The following PPIL4 variants were observed in gnomAD, a reference collection of about 807,000 sequenced individuals.
PPIL4 encodes the protein peptidyl-prolyl cis-trans isomerase-like 4.
In PPIL4, 50 loss-of-function variants were observed where a neutral mutation model predicts 69.1. That is an observed-to-expected ratio of 0.72 (90% CI 0.58 to 0.92). The LOEUF (loss-of-function observed/expected upper bound fraction) is 0.92. PPIL4 is among the 40% of genes least tolerant of loss of function. The probability of loss-of-function intolerance (pLI) is 0.00; values close to 1 mark genes in which losing one functional copy is unlikely to be tolerated. For synonymous variants in PPIL4, 193 were observed against 191.6 expected (o/e 1.01, Z -0.06); for missense variants, 480 against 587.9 (o/e 0.82, Z 1.90).
At chr6:149,506,090 A>G (rs1776766527) in intron 12 of PPIL4, among the ~76,000 whole-genome samples, 1 of 152,220 alleles carries the variant, frequency 6.6e-6, no homozygotes, top group African/African-American at 2.4e-5. Context: ...TTGATCTGCA[A>G]TGAAACTACT....
At chr6:149,508,969 G>T (rs969052091) in intron 12 of PPIL4, among the ~76,000 whole-genome samples, 15 of 151,922 alleles carry the variant, frequency 9.9e-5, no homozygotes, top group Non-Finnish European at 2.1e-4. Context: ...TCTCTTTAAT[G>T]AATTTTAAAA....
At chr6:149,521,483 G>A (rs1358773332) in intron 9 of PPIL4, among the ~76,000 whole-genome samples, 7 of 152,174 alleles carry the variant, frequency 4.6e-5, no homozygotes, top group African/African-American at 1.7e-4. Context: ...CTTACTGACT[G>A]TATTATACAG....
At chr6:149,526,847 A>G (rs1777115254) in intron 7 of PPIL4, 71 bp from the exon 8 acceptor site, 1 of 1,414,980 alleles carries the variant, frequency 7.1e-7, no homozygotes, top group East Asian at 2.3e-5. Context: ...ATCCAATCCC[A>G]CAATGCTGAT....
At chr6:149,509,059 A>G (rs1776804861) in intron 12 of PPIL4, among the ~76,000 whole-genome samples, 2 of 152,182 alleles carry the variant, frequency 1.3e-5, no homozygotes, top group South Asian at 4.1e-4. Flanking sequence ...GGAAGAAGAG[A>G]AAATTAATGT....
intron 12 of PPIL4, among the ~76,000 whole-genome samples, chr6:149,506,460 G>A (rs1317896464): frequency 2.6e-5 from 4 of 152,158 alleles, no homozygotes; most frequent in African/African-American, 4.8e-5. Flanking sequence ...CAACAAGAGC[G>A]AAACTCCATC....
chr6:149,544,035 T>C (rs1777404576), intron 1 of PPIL4, among the ~76,000 whole-genome samples: 1 of 152,214 alleles, frequency 6.6e-6, no homozygotes, highest in South Asian at 2.1e-4. Flanking sequence ...CTTACAAATA[T>C]GTACAGGGGG....
rs1484523032 is a variant in PPIL4 at position 149,517,468 on chromosome 6, A to G, written c.983-18T>C. On this transcript the variant is annotated intron_variant, in intron 10 of 12. Coordinates refer to ENST00000253329, the MANE Select transcript of PPIL4 (RefSeq NM_139126.4). ...TTTCCCACCTATTTATTAAGAAAAG[A>G]AAAAAAGAGCTTAGTAAAAAAACCA... The G allele has an allele frequency of 1.5e-6, 2 of 1,335,124 alleles. No individual in the cohort carries two copies. The highest frequency in any genetic ancestry group is 2.1e-6 in the Non-Finnish European group (2 of 968,518). The allele number at this position is 1,335,124 out of a possible 1,614,324, so 82.7% of individuals were successfully genotyped here.
chr6:149,542,290 T>A (rs1354025287), intron 1 of PPIL4, among the ~76,000 whole-genome samples: 2 of 152,192 alleles, frequency 1.3e-5, no homozygotes, highest in African/African-American at 4.8e-5. Flanking sequence ...GGGTCATTTT[T>A]TAAATAATAG....
chr6:149,505,792 C>A, intron 12 of PPIL4, 88 bp from the exon 13 acceptor site: 1 of 1,216,168 alleles, frequency 8.2e-7, no homozygotes, highest in Non-Finnish European at 1.2e-6. Flanking sequence ...AAAAGTCTAC[C>A]ATTAGAAGGC....
At chr6:149,521,236 T>G (rs543542568) in intron 9 of PPIL4, 65 bp from the exon 10 acceptor site, 14 of 943,074 alleles carry the variant, frequency 1.5e-5, no homozygotes, top group Admixed American at 1.3e-4. Context: ...GCTAGAATAC[T>G]GAAAATACAA....
At chr6:149,514,957 C>A (rs1025765859) in intron 11 of PPIL4, among the ~76,000 whole-genome samples, 1 of 151,958 alleles carries the variant, frequency 6.6e-6, no homozygotes, top group African/African-American at 2.4e-5. Context: ...CTGCCTCAGC[C>A]TCCCGAGTAG....
chr6:149,546,022 C>G lies in PPIL4; in HGVS notation c.-17G>C, dbSNP rs1277135443. 5.8e-6 allele frequency: 9 copies of G among 1,563,854 alleles called. No individual in the cohort carries two copies. The highest frequency in any genetic ancestry group is 1.4e-5 in the African/African-American group (1 of 73,488). ...AACCGCCATGGCGCCCGCTCCTCCTCCGCTACAAACCCCGGGAGGAGGGGG... is the reference window on the plus strand; with the variant it reads ...AACCGCCATGGCGCCCGCTCCTCCTGCGCTACAAACCCCGGGAGGAGGGGG... On this transcript the variant is annotated 5_prime_UTR_variant, in exon 1 of 13. Coordinates refer to ENST00000253329, the MANE Select transcript of PPIL4 (RefSeq NM_139126.4).
intron 10 of PPIL4, 54 bp downstream of exon 10, chr6:149,521,006 C>A: frequency 1.1e-6 from 1 of 947,252 alleles, no homozygotes. Context: ...GAGCGAGACT[C>A]CATCTCAAAA....
chr6:149,505,222 G>T lies in PPIL4; in HGVS notation c.*231C>A. 3 of 377,966 alleles carry T rather than the reference G, an allele frequency of 7.9e-6. No homozygotes were observed. Among genetic ancestry groups the T allele is most frequent in the East Asian group, 4.6e-5 (1 of 21,606 alleles). The allele number at this position is 377,966 out of a possible 1,614,324, so 23.4% of individuals were successfully genotyped here. ...AGTGAAAATGTAAGACTTCAAAAAT[G>T]AAGACTACCATTTATGTATAACAAT... On this transcript the variant is annotated 3_prime_UTR_variant, in exon 13 of 13. Transcript: ENST00000253329.
chr6:149,529,521 G>C (rs1190136771), intron 7 of PPIL4, among the ~76,000 whole-genome samples: 3 of 151,926 alleles, frequency 2.0e-5, no homozygotes, highest in Admixed American at 6.6e-5. Flanking sequence ...CCAGCACTTT[G>C]GGAGGCTGAG....
At chr6:149,510,253 A>T (rs767441283) in intron 12 of PPIL4, among the ~76,000 whole-genome samples, 1 of 152,192 alleles carries the variant, frequency 6.6e-6, no homozygotes, top group South Asian at 2.1e-4. Flanking sequence ...TACTTGCTAA[A>T]TTTTTTTAAA....
Position 149,522,231 on chromosome 6 carries a change from CT to C in PPIL4, c.871-1061del, listed in dbSNP as rs138989779. On this transcript the variant is annotated intron_variant, in intron 9 of 12. Transcript: ENST00000253329. ...CCCAAAGAGAAAGCTCTGAAGATCACTTTTTCAGGAGGATAGTATTTGCAAA... is the reference window on the plus strand; with the variant it reads ...CCCAAAGAGAAAGCTCTGAAGATCACTTTTCAGGAGGATAGTATTTGCAAA... 7.6e-3 allele frequency among the ~76,000 whole-genome samples: 1,150 copies of C among 152,232 alleles called. 16 individuals carry two copies. The highest frequency in any genetic ancestry group is 0.026 in the African/African-American group (1,064 of 41,542).
intron 5 of PPIL4, 71 bp from the exon 6 acceptor site, chr6:149,534,845 T>C (rs1312036474): frequency 1.1e-5 from 10 of 879,758 alleles, no homozygotes; most frequent in Non-Finnish European, 1.7e-5. Context: ...TTTTAATAGA[T>C]TACAAAAAAT....
chr6:149,513,412 A>AAATATATATATATATAT (rs1554215970), intron 11 of PPIL4, among the ~76,000 whole-genome samples: 1 of 55,326 alleles, frequency 1.8e-5, no homozygotes, highest in African/African-American at 7.6e-5. Context: ...AAAAAAAAAA[A>AAATATATATATATATAT]ATATATATAT....
Sources: gnomAD v4.1 joint callset for allele counts (sites outside exome capture counted in the v4.1 genomes callset) on GRCh38, gnomAD v4.1.1 for gene constraint, MANE v1.5 for transcripts, NCBI Gene and HGNC (gene_info 2026-07-23, HGNC 2026-07-21) for gene names.